The following PCDHGA12 variants were observed in gnomAD, a reference collection of about 807,000 sequenced individuals.
PCDHGA12 encodes protocadherin gamma subfamily A, 12, also known as protocadherin gamma-A12.
Under a neutral mutation model 61.1 loss-of-function variants are expected in PCDHGA12, and 43 were observed. The ratio of observed to expected loss-of-function variants is 0.70; its 90% confidence interval spans 0.55 to 0.91. The LOEUF is 0.91. Among genes scored for constraint, PCDHGA12 ranks in the 40% least tolerant of loss-of-function variants. PCDHGA12 has a pLI of 0.00. For synonymous variants in PCDHGA12, 520 were observed against 542.9 expected (o/e 0.96, Z 0.59); for missense variants, 1,236 against 1,227.7 (o/e 1.01, Z -0.10).
At chr5:141,480,514 C>A (rs1015316945) in intron 1 of PCDHGA12, among the ~76,000 whole-genome samples, 2 of 127,196 alleles carry the variant, frequency 1.6e-5, no homozygotes, top group African/African-American at 7.3e-5. Flanking sequence ...TGAGAACAAC[C>A]AAAAATGACA....
At chr5:141,478,524 C>T in intron 1 of PCDHGA12, 1 of 1,609,844 alleles carries the variant, frequency 6.2e-7, no homozygotes, top group Non-Finnish European at 8.5e-7. Flanking sequence ...GTGTTGGGTG[C>T]AGAGAGCGCC....
At chr5:141,438,595 T>C (rs11949887) in intron 1 of PCDHGA12, among the ~76,000 whole-genome samples, 1,254 of 57,838 alleles carry the variant, frequency 0.022, 9 homozygotes, top group Non-Finnish European at 0.023. Flanking sequence ...TACATACATA[T>C]ATATATATAT....
Position 141,489,160 on chromosome 5 carries a change from C to A in PCDHGA12, c.2425-5647C>A. 1 of 1,029,962 alleles carries A rather than the reference C, an allele frequency of 9.7e-7. No individual in the cohort carries two copies. The highest frequency in any genetic ancestry group is 1.4e-6 in the Non-Finnish European group (1 of 701,366). 63.8% of individuals were successfully genotyped at this position (1,029,962 alleles called of 1,614,324 possible). ...GGCTGGAAGGAGACATAAGAGACTT[C>A]AGCTGCTGCATTCCAAGCCCTGGGT... On this transcript the variant is annotated intron_variant, in intron 1 of 3. Coordinates refer to ENST00000252085, the MANE Select transcript of PCDHGA12 (RefSeq NM_003735.3). The surrounding 1 kb of genome is among the most constrained non-coding windows in gnomAD (Gnocchi z 4.5).
chr5:141,432,569 C>T lies in PCDHGA12; in HGVS notation c.1810C>T (p.Leu604=). The T allele has an allele frequency of 6.2e-7, 1 of 1,613,920 alleles. No homozygotes were observed. Residue 604 remains leucine (L), a synonymous_variant, in exon 1 of 4, where the codon CTG becomes TTG. Coordinates refer to ENST00000252085, the MANE Select transcript of PCDHGA12 (RefSeq NM_003735.3). This position sits in a 1 kb window ranked among gnomAD's most constrained non-coding sequence, Gnocchi z 6.0. ...CAGAGACTCCGGCCAGAACGCCTGG[C>T]TGTCCTACCGTCTGCTCAAGGCCAG... ...VDRDSGQNAW[L]SYRLLKASEP...
chr5:141,455,283 C>G (rs1225185590), intron 1 of PCDHGA12, among the ~76,000 whole-genome samples: 1 of 152,000 alleles, frequency 6.6e-6, no homozygotes, highest in East Asian at 1.9e-4. Context: ...ATTAACATCA[C>G]TTTACATAGT....
intron 3 of PCDHGA12, among the ~76,000 whole-genome samples, chr5:141,509,429 T>G (rs2099876771): frequency 6.6e-6 from 1 of 151,964 alleles, no homozygotes; most frequent in Non-Finnish European, 1.5e-5. Context: ...TGAGTCAAAC[T>G]CTTGTTTCCT....
At chr5:141,437,035 C>T (rs991186972) in intron 1 of PCDHGA12, among the ~76,000 whole-genome samples, 1 of 152,120 alleles carries the variant, frequency 6.6e-6, no homozygotes, top group Non-Finnish European at 1.5e-5. Context: ...AATGGATCAC[C>T]GAAACCAGAA....
chr5:141,478,631 A>G (rs781339775), intron 1 of PCDHGA12: 1 of 1,553,196 alleles, frequency 6.4e-7, no homozygotes, highest in Non-Finnish European at 8.7e-7. Context: ...CTGTTTTTTT[A>G]GTGATGAAGA....
At position 141,491,196 on chromosome 5, in the gene PCDHGA12, T is replaced by C. The variant is rs899789155; in HGVS notation, c.2425-3611T>C. ...TGGTGGTCCTGGTGAGGGACAATGGTGACCCTTCACTCTCCTCCACAGCCA... is the reference window on the plus strand; with the variant it reads ...TGGTGGTCCTGGTGAGGGACAATGGCGACCCTTCACTCTCCTCCACAGCCA... On this transcript the variant is annotated intron_variant, in intron 1 of 3. Transcript: ENST00000252085. The surrounding 1 kb of genome is among the most constrained non-coding windows in gnomAD (Gnocchi z 6.9). The C allele has an allele frequency of 6.8e-6, 11 of 1,614,186 alleles. No homozygotes were observed. The highest frequency in any genetic ancestry group is 9.3e-6 in the Non-Finnish European group (11 of 1,180,030).
At position 141,491,303 on chromosome 5, in the gene PCDHGA12, C is replaced by T; in HGVS notation, c.2425-3504C>T. On this transcript the variant is annotated intron_variant, in intron 1 of 3. Coordinates refer to ENST00000252085, the MANE Select transcript of PCDHGA12 (RefSeq NM_003735.3). This position sits in a 1 kb window ranked among gnomAD's most constrained non-coding sequence, Gnocchi z 6.9. ...TTCCTCATACACCCTCCTGAGCGTT[C>T]AGACCTTACCCTTTACCTCATTGTG... 6.2e-7 allele frequency: 1 copy of T among 1,614,132 alleles called. No homozygotes were observed. The highest frequency in any genetic ancestry group is 8.5e-7 in the Non-Finnish European group (1 of 1,179,962).
chr5:141,483,501 G>A (rs1022338958), intron 1 of PCDHGA12, among the ~76,000 whole-genome samples: 2 of 150,394 alleles, frequency 1.3e-5, no homozygotes, highest in Admixed American at 1.3e-4. Context: ...ATGAGTCAAG[G>A]CTGATCCCCC....
chr5:141,431,609 G>A lies in PCDHGA12; in HGVS notation c.850G>A (p.Val284Met). The A allele has an allele frequency of 6.2e-7, 1 of 1,614,232 alleles. No homozygotes were observed. The highest frequency in any genetic ancestry group is 8.5e-7 in the Non-Finnish European group (1 of 1,180,046). Residue 284 changes from valine (V) to methionine (M), a missense_variant, in exon 1 of 4, where the codon GTG becomes ATG. By Grantham distance (21) the Val-to-Met change is conservative. Coordinates refer to ENST00000252085, the MANE Select transcript of PCDHGA12 (RefSeq NM_003735.3). The surrounding 1 kb of genome is among the most constrained non-coding windows in gnomAD (Gnocchi z 4.8). ...GGAAGTGAGGTATTCCTTCCGGTAT[G>A]TGGACGACAAGGCGGCCCAAGTTTT... ...NAEVRYSFRY[V>M]DDKAAQVFKL...
chr5:141,456,746 T>C (rs548254725), intron 1 of PCDHGA12, among the ~76,000 whole-genome samples: 51 of 151,874 alleles, frequency 3.4e-4, no homozygotes, highest in African/African-American at 1.0e-3. Context: ...GGGAGCATCA[T>C]GAGGTCAGGA....
Position 141,485,286 on chromosome 5 carries a change from AG to A in PCDHGA12, c.2425-9520del. On this transcript the variant is annotated intron_variant, in intron 1 of 3. Coordinates refer to ENST00000252085, the MANE Select transcript of PCDHGA12 (RefSeq NM_003735.3). This position sits in a 1 kb window ranked among gnomAD's most constrained non-coding sequence, Gnocchi z 5.7. ...CAGATCCGCTACCCGGTCCCAGAGG[AG>A]TCACAGGAAGGGACTTTTGTAGGGA... The A allele has an allele frequency of 6.2e-7, 1 of 1,614,044 alleles. No homozygotes were observed. Among genetic ancestry groups the A allele is most frequent in the Non-Finnish European group, 8.5e-7 (1 of 1,179,928 alleles).
At chr5:141,462,813 TTGG>T (rs1474162732) in intron 1 of PCDHGA12, among the ~76,000 whole-genome samples, 1 of 152,198 alleles carries the variant, frequency 6.6e-6, no homozygotes, top group African/African-American at 2.4e-5. Flanking sequence ...AATGTTTTTA[TTGG>T]ACAGCAGACA....
chr5:141,440,328 T>G (rs1311315077), intron 1 of PCDHGA12: 1 of 152,102 alleles, frequency 6.6e-6, no homozygotes. Context: ...TTACTGGGCA[T>G]GGTGGTGCAG....
At chr5:141,478,338 C>T in intron 1 of PCDHGA12, 2 of 1,613,936 alleles carry the variant, frequency 1.2e-6, no homozygotes, top group South Asian at 1.1e-5. Flanking sequence ...CCAGGGCCCT[C>T]CTTGCACGCG....
chr5:141,505,645 G>A (rs997169182), intron 3 of PCDHGA12, 164 bp downstream of exon 3: 2 of 964,274 alleles, frequency 2.1e-6, no homozygotes, highest in African/African-American at 1.8e-5. Flanking sequence ...GCCTGGAATT[G>A]TGGCTAAGGA....
At chr5:141,466,754 C>T (rs1045917268) in intron 1 of PCDHGA12, among the ~76,000 whole-genome samples, 1 of 152,138 alleles carries the variant, frequency 6.6e-6, no homozygotes, top group African/African-American at 2.4e-5. Context: ...GATAGGGGCT[C>T]TTTTCAAACT....
Sources: allele counts gnomAD v4.1 joint callset (sites outside exome capture counted in the v4.1 genomes callset), GRCh38; gene constraint gnomAD v4.1.1; non-coding constraint Gnocchi (gnomAD v3.1); transcripts MANE v1.5; gene names NCBI Gene and HGNC (gene_info 2026-07-23, HGNC 2026-07-21).